The following LRFN5 variants were observed in gnomAD, a reference collection of about 807,000 sequenced individuals.
The protein encoded by LRFN5 is leucine rich repeat and fibronectin type III domain containing 5.
A neutral mutation model predicts 45.6 loss-of-function variants in LRFN5; 24 were observed. The observed-to-expected ratio is 0.53, with a 90% confidence interval of 0.38 to 0.74. LRFN5 has a LOEUF of 0.74. Ranked by LOEUF, LRFN5 falls within the 30% of genes least tolerant of loss-of-function variation. The pLI is 0.00. For synonymous variants in LRFN5, 340 were observed against 313.8 expected, an observed-to-expected ratio of 1.08 and a Z score of -0.88; for missense variants, 776 against 861.5, an observed-to-expected ratio of 0.90 and a Z score of 1.24.
intron 2 of LRFN5, among the ~76,000 whole-genome samples, chr14:41,850,048 C>T (rs1000134769): frequency 6.6e-6 from 1 of 151,840 alleles, no homozygotes; most frequent in South Asian, 2.1e-4. Context: ...GTCTTCACCT[C>T]CAAGTACTAT....
At chr14:41,763,748 T>C (rs906780643) in intron 1 of LRFN5, among the ~76,000 whole-genome samples, 1 of 152,184 alleles carries the variant, frequency 6.6e-6, no homozygotes, top group Non-Finnish European at 1.5e-5. Flanking sequence ...TCTGACATGA[T>C]TGTGAGGCCT....
rs553509448 is a variant in LRFN5 at position 41,650,885 on chromosome 14, A to AAGAGAGAG, written c.-197+42330_-197+42337dup. ...TCATTAAGCAACAAAGAGACAGAGA[A>AAGAGAGAG]AGAGAGAGAGAGAGGGAGGGAGGGA... is the stretch of plus-strand genomic sequence containing the variant. On this transcript the variant is annotated intron_variant, in intron 1 of 5. Transcript: ENST00000298119. Among the ~76,000 whole-genome samples the AAGAGAGAG allele has an allele frequency of 5.8e-3, 603 of 104,820 alleles. 10 individuals are homozygous for AAGAGAGAG. Among genetic ancestry groups the AAGAGAGAG allele is most frequent in the East Asian group, 0.028 (80 of 2,826 alleles). The allele number at this position is 104,820 out of a possible 152,430, so 68.8% of individuals were successfully genotyped here.
chr14:41,646,561 G>A (rs372634852), intron 1 of LRFN5, among the ~76,000 whole-genome samples: 1 of 152,124 alleles, frequency 6.6e-6, no homozygotes, highest in East Asian at 1.9e-4. Context: ...CTCCCAAAAT[G>A]CTTCCTTTAG....
chr14:41,799,185 A>T (rs35881081), intron 2 of LRFN5, among the ~76,000 whole-genome samples: 23,186 of 151,962 alleles, frequency 0.15, 1,991 homozygotes, highest in East Asian at 0.22. Flanking sequence ...TGGTTGTTGC[A>T]CTGGGCCAAG....
chr14:41,857,559 G>A (rs149007280), intron 2 of LRFN5, among the ~76,000 whole-genome samples: 142 of 152,136 alleles, frequency 9.3e-4, no homozygotes, highest in African/African-American at 3.2e-3. Context: ...TTTCTACTGC[G>A]TGCAACTCAT....
At chr14:41,775,015 C>T (rs1886225684) in intron 2 of LRFN5, among the ~76,000 whole-genome samples, 1 of 151,888 alleles carries the variant, frequency 6.6e-6, no homozygotes, top group Non-Finnish European at 1.5e-5. Flanking sequence ...CACATTTCCC[C>T]TGTAGTAATA....
chr14:41,814,861 C>T lies in LRFN5; in HGVS notation c.-21+47832C>T, dbSNP rs185299698. Among the ~76,000 whole-genome samples the T allele has an allele frequency of 3.8e-4, 58 of 152,028 alleles. No individual in the cohort carries two copies. In the East Asian group the frequency reaches 4.1e-3, roughly 11 times the overall value. ...CACTTACTGTGAAACACTTCTGAGA[C>T]GGAATAACATTTAAGCTTTGGTATG... is the stretch of plus-strand genomic sequence containing the variant. On this transcript the variant is annotated intron_variant, in intron 2 of 5. Coordinates refer to ENST00000298119, the MANE Select transcript of LRFN5 (RefSeq NM_152447.5).
chr14:41,649,084 A>C (rs1426037698), intron 1 of LRFN5, among the ~76,000 whole-genome samples: 3 of 152,154 alleles, frequency 2.0e-5, no homozygotes, highest in Non-Finnish European at 4.4e-5. Context: ...AAATACAAAA[A>C]TTAGTTGGGC....
intron 2 of LRFN5, among the ~76,000 whole-genome samples, chr14:41,886,078 A>G (rs563838322): frequency 1.3e-5 from 2 of 152,070 alleles, no homozygotes; most frequent in East Asian, 3.9e-4. Flanking sequence ...GTTTGTAAAG[A>G]AGAAAAAAAT....
Position 41,886,785 on chromosome 14 carries a change from G to A in LRFN5, c.160G>A (p.Val54Met). The A allele has an allele frequency of 6.2e-7, 1 of 1,614,128 alleles. No homozygotes were observed. ...TCCACCAAACATTGACAGAAGAACT[G>A]TGGAACTGCGGTTGGCAGACAATTT... ...FVPPNIDRRT[V>M]ELRLADNFVT... The change falls in exon 3 of 6, where the codon GTG becomes ATG. Residue 54 changes from valine (V) to methionine (M), a missense_variant. Physicochemically the swap from Val to Met is conservative, Grantham distance 21 (BLOSUM62 1). This residue lies in a region of LRFN5 where 311 missense variants were observed against 405.1 expected (regional missense o/e 0.77). Coordinates refer to ENST00000298119, the MANE Select transcript of LRFN5 (RefSeq NM_152447.5).
intron 1 of LRFN5, among the ~76,000 whole-genome samples, chr14:41,643,244 C>T (rs1471076804): frequency 6.6e-6 from 1 of 152,014 alleles, no homozygotes; most frequent in Non-Finnish European, 1.5e-5. Context: ...TTCTTAATTC[C>T]ATTACATTTT....
At chr14:41,849,469 C>G (rs1889187971) in intron 2 of LRFN5, among the ~76,000 whole-genome samples, 1 of 151,744 alleles carries the variant, frequency 6.6e-6, no homozygotes, top group Non-Finnish European at 1.5e-5. Context: ...GTGGGAGGCT[C>G]TTTTCAGACT....
intron 1 of LRFN5, chr14:41,699,656 G>T (rs752427440): frequency 6.6e-6 from 1 of 152,046 alleles, no homozygotes; most frequent in Non-Finnish European, 1.5e-5. Context: ...TCACAAATGC[G>T]TTTACTCATC....
At chr14:41,718,423 A>G (rs1883578566) in intron 1 of LRFN5, among the ~76,000 whole-genome samples, 2 of 152,178 alleles carry the variant, frequency 1.3e-5, no homozygotes, top group African/African-American at 2.4e-5. Context: ...TTTGACATGG[A>G]TTAAAAAGGG....
chr14:41,781,520 G>A (rs1387692023), intron 2 of LRFN5, among the ~76,000 whole-genome samples: 1 of 136,382 alleles, frequency 7.3e-6, no homozygotes, highest in African/African-American at 2.6e-5. Flanking sequence ...GGAAGGGAGG[G>A]AGGGAGGGAA....
At chr14:41,681,020 T>C (rs1881860165) in intron 1 of LRFN5, among the ~76,000 whole-genome samples, 1 of 151,842 alleles carries the variant, frequency 6.6e-6, no homozygotes, top group Non-Finnish European at 1.5e-5. Flanking sequence ...ATTGATCAAG[T>C]AGAAGAAGGG....
At chr14:41,764,526 C>T (rs1394761184) in intron 1 of LRFN5, among the ~76,000 whole-genome samples, 1 of 152,048 alleles carries the variant, frequency 6.6e-6, no homozygotes, top group Non-Finnish European at 1.5e-5. Context: ...TGTTACTGTG[C>T]TTTTCATGCT....
At chr14:41,834,417 C>T (rs561711811) in intron 2 of LRFN5, among the ~76,000 whole-genome samples, 1 of 152,246 alleles carries the variant, frequency 6.6e-6, no homozygotes, top group South Asian at 2.1e-4. Flanking sequence ...TGAATGAGAT[C>T]TGTATTTACT....
At chr14:41,635,459 A>T (rs1326416945) in intron 1 of LRFN5, among the ~76,000 whole-genome samples, 2 of 152,152 alleles carry the variant, frequency 1.3e-5, no homozygotes, top group Non-Finnish European at 2.9e-5. Context: ...ATGTAGTCAA[A>T]ATTAAGTTGT....
Sources: allele counts gnomAD v4.1 joint callset (sites outside exome capture counted in the v4.1 genomes callset), GRCh38; gene constraint gnomAD v4.1.1; regional missense constraint gnomAD v4.1.1; transcripts MANE v1.5; gene names NCBI Gene and HGNC (gene_info 2026-07-23, HGNC 2026-07-21).